USH2A: variants seen among roughly 807,000 people sequenced by gnomAD.
USH2A encodes Usher syndrome 2A (autosomal recessive, mild).
Under a neutral mutation model 538.9 loss-of-function variants are expected in USH2A, and 443 were observed. The observed-to-expected ratio is 0.82, with a 90% CI of 0.76 to 0.89. The LOEUF (loss-of-function observed/expected upper bound fraction) is 0.89. USH2A is among the 40% of genes least tolerant of loss of function. The pLI is 0.00. For missense variants in USH2A, 6,633 were observed against 6,324.8 expected (o/e 1.05, Z -1.65); for synonymous variants, 2,413 against 2,273.5 (o/e 1.06, Z -1.75).
In USH2A at chr1:216,323,367, A is replaced by G; in HGVS notation, c.1550+107T>C. ...CCCTAAAATCTTAGAGTATGAAATC[A>G]TTTCAAAATGTAAAGCTTGAAATCT... On this transcript the variant is annotated intron_variant, in intron 8 of 71. Transcript: ENST00000307340. 5.4e-6 allele frequency: 6 copies of G among 1,115,358 alleles called. No homozygotes were observed. In the South Asian group the frequency reaches 7.7e-5, roughly 14 times the overall value. The allele number at this position is 1,115,358 out of a possible 1,614,324, so 69.1% of individuals were successfully genotyped here.
intron 34 of USH2A, among the ~76,000 whole-genome samples, chr1:215,995,157 T>G (rs1668105371): frequency 6.6e-6 from 1 of 152,148 alleles, no homozygotes; most frequent in African/African-American, 2.4e-5. Flanking sequence ...GTATATATTT[T>G]TAAAACACAG....
intron 38 of USH2A, among the ~76,000 whole-genome samples, chr1:215,905,909 T>A (rs1400934447): frequency 6.6e-6 from 1 of 152,138 alleles, no homozygotes; most frequent in Non-Finnish European, 1.5e-5. Flanking sequence ...GCTGCATCGC[T>A]GAATAGCCTG....
At chr1:215,858,933 T>C (rs1664243625) in intron 44 of USH2A, among the ~76,000 whole-genome samples, 1 of 152,158 alleles carries the variant, frequency 6.6e-6, no homozygotes, top group Non-Finnish European at 1.5e-5. Flanking sequence ...TAGAGGTTCG[T>C]GATCAAGGCG....
intron 15 of USH2A, among the ~76,000 whole-genome samples, chr1:216,214,425 T>A (rs2102491924): frequency 6.6e-6 from 1 of 152,060 alleles, no homozygotes; most frequent in African/African-American, 2.4e-5. Flanking sequence ...TGAAGCTAGA[T>A]ACAAAAGCCT....
chr1:216,298,237 T>A (rs2037143364), intron 9 of USH2A, among the ~76,000 whole-genome samples: 1 of 152,230 alleles, frequency 6.6e-6, no homozygotes, highest in African/African-American at 2.4e-5. Context: ...AGATGCAGTT[T>A]GTCTTTTACA....
chr1:216,134,482 G>A (rs947442489), intron 21 of USH2A, among the ~76,000 whole-genome samples: 4 of 151,994 alleles, frequency 2.6e-5, no homozygotes, highest in African/African-American at 7.2e-5. Flanking sequence ...AAAACAGGGA[G>A]TCAACAGTAT....
chr1:216,357,240 C>T (rs929312201), intron 4 of USH2A, among the ~76,000 whole-genome samples: 1 of 152,038 alleles, frequency 6.6e-6, no homozygotes, highest in African/African-American at 2.4e-5. Context: ...GATACCTTGT[C>T]TGCAATGTTC....
At chr1:215,929,580 C>T (rs1392048229) in intron 38 of USH2A, among the ~76,000 whole-genome samples, 2 of 151,870 alleles carry the variant, frequency 1.3e-5, no homozygotes, top group African/African-American at 4.8e-5. Context: ...AGGGCATTTT[C>T]CAGGTCCCCA....
chr1:216,153,037 G>C (rs1345149688), intron 21 of USH2A, among the ~76,000 whole-genome samples: 2 of 152,018 alleles, frequency 1.3e-5, no homozygotes, highest in African/African-American at 4.8e-5. Context: ...TTGGCCGCCG[G>C]ATGCCCAAAC....
Position 216,169,622 on chromosome 1 carries a change from T to C in USH2A, c.4627+5630A>G, listed in dbSNP as rs754518243. 2.6e-5 allele frequency among the ~76,000 whole-genome samples: 4 copies of C among 152,178 alleles called. No individual in the cohort carries two copies. In the South Asian group the frequency reaches 6.2e-4, roughly 24 times the overall value. On this transcript the variant is annotated intron_variant, in intron 21 of 71. Transcript: ENST00000307340. ...TGTGACTTCTGTTATTCTAAGAAGA[T>C]ATGCATTTTGATCCTTGTCCTCAGT...
At chr1:216,311,801 A>C (rs1384857349) in intron 9 of USH2A, among the ~76,000 whole-genome samples, 1 of 152,134 alleles carries the variant, frequency 6.6e-6, no homozygotes, top group Non-Finnish European at 1.5e-5. Flanking sequence ...AGGTGGCATG[A>C]GTACCTAATA....
chr1:216,271,063 C>T (rs1025525475), intron 11 of USH2A, among the ~76,000 whole-genome samples: 6 of 152,108 alleles, frequency 3.9e-5, no homozygotes, highest in African/African-American at 9.7e-5. Context: ...CAATACTCTT[C>T]CCCACTGAGG....
intron 32 of USH2A, among the ~76,000 whole-genome samples, chr1:216,009,160 C>A (rs1487854803): frequency 6.6e-6 from 1 of 152,010 alleles, no homozygotes; most frequent in East Asian, 1.9e-4. Context: ...TTCCATGCCC[C>A]AACCTCTTTC....
intron 60 of USH2A, 73 bp downstream of exon 60, chr1:215,741,302 G>A: frequency 6.7e-7 from 1 of 1,490,012 alleles, no homozygotes; most frequent in Non-Finnish European, 9.3e-7. Flanking sequence ...AATATAAAAT[G>A]CTCTTGATTC....
chr1:216,348,399 C>T (rs1490323757), intron 4 of USH2A, among the ~76,000 whole-genome samples: 1 of 151,976 alleles, frequency 6.6e-6, no homozygotes, highest in East Asian at 1.9e-4. Context: ...GGGTTCCTGA[C>T]CTGTGATAAG....
chr1:215,901,074 A>G lies in USH2A; in HGVS notation c.7301-169T>C, dbSNP rs894510975. 7.3e-6 allele frequency: 6 copies of G among 825,688 alleles called. No homozygotes were observed. The East Asian group carries it at 1.6e-4, about 22-fold the overall frequency. 51.1% of individuals were successfully genotyped at this position (825,688 alleles called of 1,614,324 possible). A position where few individuals can be genotyped will look rare whatever the true frequency, so the allele number is the denominator to read the frequency against. On this transcript the variant is annotated intron_variant, in intron 38 of 71. Coordinates refer to ENST00000307340, the MANE Select transcript of USH2A (RefSeq NM_206933.4). ...CATTCCTGAACTCCTGTACTTCCTT[A>G]TTGTTCATTTCAACACAATTACATT...
At chr1:216,201,588 A>G in intron 16 of USH2A, 1 of 154,858 alleles carries the variant, frequency 6.5e-6, no homozygotes, top group Non-Finnish European at 1.4e-5. Flanking sequence ...TGTTGGGATG[A>G]CAGCCATGAG....
chr1:216,128,068 T>G (rs1008781127), intron 21 of USH2A, among the ~76,000 whole-genome samples: 1 of 152,124 alleles, frequency 6.6e-6, no homozygotes, highest in African/African-American at 2.4e-5. Context: ...CTGTATAGAA[T>G]CTGATGCACT....
At chr1:216,107,793 C>T (rs1429330432) in intron 21 of USH2A, among the ~76,000 whole-genome samples, 3 of 151,120 alleles carry the variant, frequency 2.0e-5, no homozygotes, top group African/African-American at 7.3e-5. Context: ...TTTTCATCTC[C>T]CTAGGTAGAC....
Sources: gnomAD v4.1 joint callset for allele counts (sites outside exome capture counted in the v4.1 genomes callset) on GRCh38, gnomAD v4.1.1 for gene constraint, MANE v1.5 for transcripts, NCBI Gene and HGNC (gene_info 2026-07-23, HGNC 2026-07-21) for gene names.